ESPN: variants seen among roughly 807,000 people sequenced by gnomAD.
The protein encoded by ESPN is autosomal recessive deafness type 36 protein.
Under a neutral mutation model 77.7 loss-of-function variants are expected in ESPN, and 68 were observed. The observed-to-expected ratio is 0.87, with a 90% CI of 0.72 to 1.07. The LOEUF (loss-of-function observed/expected upper bound fraction) is 1.07. Ranked by LOEUF, ESPN falls within the 50% of genes least tolerant of loss-of-function variation. The pLI is 0.00. For synonymous variants in ESPN, 449 were observed against 567.1 expected (o/e 0.79, Z 2.96); for missense variants, 1,060 against 1,239.0 (o/e 0.86, Z 2.17).
At chr1:6,432,615 C>A (rs1036739078) in intron 2 of ESPN, among the ~76,000 whole-genome samples, 1 of 152,222 alleles carries the variant, frequency 6.6e-6, no homozygotes, top group Non-Finnish European at 1.5e-5. Context: ...GACCCTGGGG[C>A]TCTGTAAGCA....
chr1:6,440,837 C>T, intron 4 of ESPN, 29 bp downstream of exon 4: 2 of 1,452,880 alleles, frequency 1.4e-6, no homozygotes, highest in Non-Finnish European at 1.8e-6. Flanking sequence ...TGGGGGCGCG[C>T]GCCCTCTGCT....
chr1:6,451,901 G>A lies in ESPN; in HGVS notation c.2130G>A (p.Ala710=). 5.6e-6 allele frequency: 9 copies of A among 1,611,094 alleles called. No homozygotes were observed. The highest frequency in any genetic ancestry group is 4.5e-5 in the East Asian group (2 of 44,756). Residue 710 remains alanine, a synonymous_variant, in exon 10 of 13, where the codon GCG becomes GCA. Transcript: ENST00000645284. The surrounding 1 kb of genome is among the most constrained non-coding windows in gnomAD (Gnocchi z 4.3). ...TCCGGAGCCCCACACCGCCAGCTGC[G>A]GGGTTTCAGCCGCTGCTCAATGGAA... The part of the protein sequence containing the change: ...SPVRSPTPPA[A]GFQPLLNGSL...
At chr1:6,439,762 C>T (rs1296610297) in intron 2 of ESPN, among the ~76,000 whole-genome samples, 3 of 152,240 alleles carry the variant, frequency 2.0e-5, no homozygotes, top group East Asian at 3.9e-4. Context: ...GTAATCCCAG[C>T]ACTTTGGGAG....
chr1:6,451,926 A>C lies in ESPN; in HGVS notation c.2155A>C (p.Ser719Arg), dbSNP rs121908134. The change falls in exon 10 of 13, where the codon AGC becomes CGC. Residue 719 changes from serine (S) to arginine (R), a missense_variant. Physicochemically the swap from Ser to Arg is moderately radical, Grantham distance 110. Coordinates refer to ENST00000645284, the MANE Select transcript of ESPN (RefSeq NM_031475.3). This position sits in a 1 kb window ranked among gnomAD's most constrained non-coding sequence, Gnocchi z 4.3. Reference sequence around the variant, plus strand: ...GGGGTTTCAGCCGCTGCTCAATGGAAGCTTGGTTCCCGTGCCGCCCACTAC... The same window carrying C: ...GGGGTTTCAGCCGCTGCTCAATGGACGCTTGGTTCCCGTGCCGCCCACTAC... ...AAGFQPLLNG[S>R]LVPVPPTTPA... 5.0e-6 allele frequency: 8 copies of C among 1,610,998 alleles called. No homozygotes were observed. Among genetic ancestry groups the C allele is most frequent in the Middle Eastern group, 1.7e-4 (1 of 5,996 alleles).
At chr1:6,454,869 G>C (rs973819523) in intron 10 of ESPN, 1 of 390,608 alleles carries the variant, frequency 2.6e-6, no homozygotes, top group Non-Finnish European at 4.5e-6. Flanking sequence ...CTGGCTGCCC[G>C]GGCCGCTCTG....
rs1230415897 is a variant in ESPN at position 6,441,031 on chromosome 1, A to G, written c.956A>G (p.His319Arg). The part of the protein sequence containing the change: ...ADLSDFNGHS[H>R]CTRYLRTVEN... ...CTGTCGGACTTCAACGGCCACAGCC[A>G]CTGCACCCGCTACCTGCGCACGGTG... is the stretch of plus-strand genomic sequence containing the variant. The change falls in exon 5 of 13, where the codon CAC (histidine) becomes CGC (arginine). Residue 319 changes from histidine to arginine, a missense_variant. Around this residue, in one of 3 missense-constraint regions of ESPN, gnomAD observed 556 missense variants for 633.6 expected, o/e 0.88. Transcript: ENST00000645284. 1 of 1,611,404 alleles carries G rather than the reference A, an allele frequency of 6.2e-7. No homozygotes were observed. The highest frequency in any genetic ancestry group is 8.5e-7 in the Non-Finnish European group (1 of 1,179,634).
At chr1:6,435,387 C>G (rs1643401082) in intron 2 of ESPN, among the ~76,000 whole-genome samples, 1 of 152,246 alleles carries the variant, frequency 6.6e-6, no homozygotes. Context: ...GCACCAGTCT[C>G]CGCCGGAGAT....
At chr1:6,457,507 A>T in intron 12 of ESPN, 135 bp downstream of exon 12, 2 of 1,013,120 alleles carry the variant, frequency 2.0e-6, no homozygotes, top group Non-Finnish European at 3.1e-6. Context: ...TCCTCCCTAT[A>T]ATACCCCAGA....
intron 2 of ESPN, among the ~76,000 whole-genome samples, chr1:6,433,014 C>T (rs189447492): frequency 9.0e-4 from 137 of 151,592 alleles, no homozygotes; most frequent in African/African-American, 3.1e-3. Context: ...CCCAGCTACT[C>T]GGGAGGCTGA....
intron 12 of ESPN, 69 bp downstream of exon 12, chr1:6,457,441 T>G: frequency 6.2e-7 from 1 of 1,603,220 alleles, no homozygotes; most frequent in Non-Finnish European, 8.5e-7. Flanking sequence ...CGTCCCTTCA[T>G]CCAGGCCAAT....
At position 6,451,650 on chromosome 1, in the gene ESPN, C is replaced by T. The variant is rs762163563; in HGVS notation, c.1963C>T (p.Leu655=). 1 of 1,613,190 alleles carries T rather than the reference C, an allele frequency of 6.2e-7. No homozygotes were observed. The highest frequency in any genetic ancestry group is 1.1e-5 in the South Asian group (1 of 91,012). Residue 655 remains leucine (L), a synonymous_variant, in exon 9 of 13, where the codon CTA becomes TTA. Coordinates refer to ENST00000645284, the MANE Select transcript of ESPN (RefSeq NM_031475.3). The surrounding 1 kb of genome is among the most constrained non-coding windows in gnomAD (Gnocchi z 4.3). ...GTCCCCGACGGGCGACAACTCGGAG[C>T]TACTGGCTGAGATTAAGGCAGGCAA... The part of the protein sequence containing the change: ...MMSPTGDNSE[L]LAEIKAGKSL...
intron 2 of ESPN, chr1:6,429,905 C>T (rs1391519918): frequency 1.3e-5 from 2 of 153,956 alleles, no homozygotes; most frequent in East Asian, 3.9e-4. Context: ...CAGGAGTCAC[C>T]ATGAATCTCA....
Position 6,425,250 on chromosome 1 carries a change from G to A in ESPN, c.294+1G>A. 1 of 1,568,264 alleles carries A rather than the reference G, an allele frequency of 6.4e-7. No homozygotes were observed. The highest frequency in any genetic ancestry group is 8.6e-7 in the Non-Finnish European group (1 of 1,165,684). Reference sequence around the variant, plus strand: ...GTCGCAGGGCGGCTGCAGAGTGCAGGTGGGTCCGCGCGGTTCGCCAGGGGC... The same window carrying A: ...GTCGCAGGGCGGCTGCAGAGTGCAGATGGGTCCGCGCGGTTCGCCAGGGGC... On this transcript the variant is annotated splice_donor_variant, in intron 1 of 12. Transcript: ENST00000645284. LOFTEE classifies it high-confidence loss of function.
At chr1:6,452,891 A>AT in intron 10 of ESPN, among the ~76,000 whole-genome samples, 1 of 123,372 alleles carries the variant, frequency 8.1e-6, no homozygotes, top group African/African-American at 5.2e-5. Flanking sequence ...AATGCCATTT[A>AT]TTTTTATTTT....
At chr1:6,432,585 A>AG (rs983902433) in intron 2 of ESPN, among the ~76,000 whole-genome samples, 1 of 152,176 alleles carries the variant, frequency 6.6e-6, no homozygotes, top group African/African-American at 2.4e-5. Flanking sequence ...TACCCTTCTA[A>AG]GGGGGAGAGC....
Position 6,441,020 on chromosome 1 carries a change from C to T in ESPN, c.945C>T (p.Asn315=), listed in dbSNP as rs752466249. 22 of 1,610,860 alleles carry T rather than the reference C, an allele frequency of 1.4e-5. No homozygotes were observed. Among genetic ancestry groups the T allele is most frequent in the Non-Finnish European group, 1.4e-5 (16 of 1,179,492 alleles). Residue 315 remains asparagine (N), a synonymous_variant, in exon 5 of 13, where the codon AAC becomes AAT. Transcript: ENST00000645284. ...CGGCCGCCGACCTGTCGGACTTCAA[C>T]GGCCACAGCCACTGCACCCGCTACC... ...GYTAADLSDF[N]GHSHCTRYLR...
chr1:6,448,884 C>T lies in ESPN; in HGVS notation c.1708C>T (p.Pro570Ser), dbSNP rs1396313792. The stretch of plus-strand genomic sequence containing the variant: ...CGGCTCACTCGAAGGCCCCTCCGCT[C>T]CCCCGCAGGCGGCGCTGCTTCCTGG... ...ARGSLEGPSAPPQAALLPGNH... is the reference protein window; with the variant it reads ...ARGSLEGPSASPQAALLPGNH... The change falls in exon 8 of 13, where the codon CCC becomes TCC. Residue 570 changes from proline (P) to serine (S), a missense_variant. By Grantham distance (74) the Pro-to-Ser change is moderately conservative (BLOSUM62 -1). This residue lies in a region of ESPN where 130 missense variants were observed against 223.9 expected (regional missense o/e 0.58). Transcript: ENST00000645284. 1.2e-5 allele frequency: 16 copies of T among 1,324,176 alleles called. No homozygotes were observed. Among genetic ancestry groups the T allele is most frequent in the East Asian group, 3.3e-5 (1 of 30,734 alleles). 82.0% of individuals were successfully genotyped at this position (1,324,176 alleles called of 1,614,324 possible).
rs1370376402 is a variant in ESPN, at chr1:6,440,634, C to T, written c.684C>T (p.Cys228=). Residue 228 remains cysteine (C), a synonymous_variant, in exon 4 of 13, where the codon TGC becomes TGT. Coordinates refer to ENST00000645284, the MANE Select transcript of ESPN (RefSeq NM_031475.3). ...HSPVIVWLVS[C]TDVSLSEQDK... ...CCGCCCGTCCCGCCCAGGTGAGCTG[C>T]ACCGACGTGAGCCTGTCCGAGCAGG... 21 of 1,084,444 alleles carry T rather than the reference C, an allele frequency of 1.9e-5. No homozygotes were observed. Among genetic ancestry groups the T allele is most frequent in the Admixed American group, 1.3e-4 (6 of 44,472 alleles). The allele number at this position is 1,084,444 out of a possible 1,614,324, so 67.2% of individuals were successfully genotyped here. A position where few individuals can be genotyped will look rare whatever the true frequency, so the allele number is the denominator to read the frequency against.
chr1:6,444,932 G>A (rs543880285), intron 6 of ESPN, among the ~76,000 whole-genome samples: 113 of 152,180 alleles, frequency 7.4e-4, no homozygotes, highest in African/African-American at 2.3e-3. Context: ...CACGTGTGTC[G>A]CCCACCATTC....
Sources: gnomAD v4.1 joint callset for allele counts (sites outside exome capture counted in the v4.1 genomes callset) on GRCh38, gnomAD v4.1.1 for gene constraint, gnomAD v4.1.1 regional missense constraint, Gnocchi (gnomAD v3.1) non-coding constraint, MANE v1.5 for transcripts, NCBI Gene and HGNC (gene_info 2026-07-23, HGNC 2026-07-21) for gene names.